SLC35F4: variants seen among roughly 807,000 people sequenced by gnomAD.
The protein encoded by SLC35F4 is chromosome 14 open reading frame 36.
In SLC35F4, 24 loss-of-function variants were observed where a neutral mutation model predicts 44.2. The ratio of observed to expected loss-of-function variants is 0.54; its 90% CI spans 0.39 to 0.76. The LOEUF (loss-of-function observed/expected upper bound fraction) is 0.76, where lower values mean the gene tolerates loss of function less well. Among genes scored for constraint, SLC35F4 ranks in the 30% least tolerant of loss-of-function variants. The probability of loss-of-function intolerance (pLI) is 0.00; values close to 1 mark genes in which losing one functional copy is unlikely to be tolerated. For synonymous variants in SLC35F4, 238 were observed against 223.6 expected (o/e 1.06, Z -0.57); for missense variants, 562 against 586.1 (o/e 0.96, Z 0.42).
intron 1 of SLC35F4, among the ~76,000 whole-genome samples, chr14:57,783,360 T>C (rs976040023): frequency 6.6e-6 from 1 of 151,800 alleles, no homozygotes; most frequent in Non-Finnish European, 1.5e-5. Context: ...GATAACTGTC[T>C]GAACACGTTT....
chr14:57,894,439 G>A (rs1367375460), intron 1 of SLC35F4, among the ~76,000 whole-genome samples: 1 of 152,070 alleles, frequency 6.6e-6, no homozygotes, highest in East Asian at 1.9e-4. Context: ...TTGTAAACAT[G>A]ATAACCTTTG....
chr14:57,735,490 T>C (rs1218318081), intron 1 of SLC35F4, among the ~76,000 whole-genome samples: 1 of 152,158 alleles, frequency 6.6e-6, no homozygotes, highest in Non-Finnish European at 1.5e-5. Flanking sequence ...TGTCTAGCAG[T>C]TGATGCCAGC....
At chr14:57,603,229 T>A (rs975843945) in intron 1 of SLC35F4, among the ~76,000 whole-genome samples, 2 of 152,220 alleles carry the variant, frequency 1.3e-5, no homozygotes, top group Non-Finnish European at 2.9e-5. Context: ...TGTGTGATAG[T>A]CCTGATCTTT....
Position 57,945,443 on chromosome 14 carries a change from G to A in SLC35F4, n.282+36470C>T, listed in dbSNP as rs1209156829. ...TACCAGGTAAGAGCAATGATAATGT[G>A]TGTGTGTGTGTGTGTGTGTGTGTGT... On this transcript the variant is annotated intron_variant and non_coding_transcript_variant, in intron 1 of 1. Coordinates refer to the SLC35F4 transcript ENST00000556568. 3.1e-4 allele frequency among the ~76,000 whole-genome samples: 13 copies of A among 41,870 alleles called. 2 individuals are homozygous for A. The highest frequency in any genetic ancestry group is 5.5e-4 in the African/African-American group (4 of 7,264). The allele number at this position is 41,870 out of a possible 152,430, so 27.5% of individuals were successfully genotyped here. A position where few individuals can be genotyped will look rare whatever the true frequency, so the allele number is the denominator to read the frequency against.
At chr14:57,785,336 G>A (rs976116082) in intron 1 of SLC35F4, among the ~76,000 whole-genome samples, 2 of 152,150 alleles carry the variant, frequency 1.3e-5, no homozygotes, top group Non-Finnish European at 2.9e-5. Flanking sequence ...AGATAATCGA[G>A]CCCTCCATTG....
intron 1 of SLC35F4, among the ~76,000 whole-genome samples, chr14:57,749,818 G>A (rs986621637): frequency 6.6e-6 from 1 of 152,108 alleles, no homozygotes; most frequent in Non-Finnish European, 1.5e-5. Flanking sequence ...AACCTAAGAG[G>A]GGAGGAATTG....
At chr14:57,574,340 A>C (rs199889583) in intron 4 of SLC35F4, among the ~76,000 whole-genome samples, 2 of 152,214 alleles carry the variant, frequency 1.3e-5, no homozygotes, top group East Asian at 3.8e-4. Flanking sequence ...TTGTGAAAAT[A>C]TTAGCCTGGA....
In SLC35F4 at chr14:57,594,027, G is replaced by A. The variant is rs749549339; in HGVS notation, c.201C>T (p.Thr67=). 2.5e-5 allele frequency: 40 copies of A among 1,613,744 alleles called. No homozygotes were observed. Among genetic ancestry groups the A allele is most frequent in the East Asian group, 6.7e-5 (3 of 44,890 alleles). ...CAAGAATAGGAGCAGAGGAATCTTC[G>A]GTGACAGACAGTGGGGACAGTTGTC... The part of the protein sequence containing the change: ...ISRQLSPLSV[T]EDSSAPILEL... Residue 67 remains threonine, a synonymous_variant, in exon 2 of 8, where the codon ACC becomes ACT. Coordinates refer to ENST00000556826, the MANE Select transcript of SLC35F4 (RefSeq NM_001306087.2).
intron 1 of SLC35F4, among the ~76,000 whole-genome samples, chr14:57,640,753 C>G (rs954541158): frequency 1.3e-5 from 2 of 151,896 alleles, no homozygotes; most frequent in African/African-American, 4.8e-5. Context: ...TATAGATTAT[C>G]TCTGTCAAAA....
Position 57,593,977 on chromosome 14 carries a change from C to G in SLC35F4, c.251G>C (p.Gly84Ala). 6.2e-7 allele frequency: 1 copy of G among 1,613,862 alleles called. No individual in the cohort carries two copies. The highest frequency in any genetic ancestry group is 8.5e-7 in the Non-Finnish European group (1 of 1,179,852). ...TCTCTCAACTCTGTGTCCACAAACT[C>G]CTGAGGATCCTTGGTTTTGAAGTTC... is the stretch of plus-strand genomic sequence containing the variant. ...ILELQNQGSS[G>A]VCGHRVERQN... The change falls in exon 2 of 8, where the codon GGA becomes GCA. Residue 84 changes from glycine (G) to alanine (A), a missense_variant. Gly to Ala is a moderately conservative substitution (Grantham distance 60). Coordinates refer to ENST00000556826, the MANE Select transcript of SLC35F4 (RefSeq NM_001306087.2).
intron 6 of SLC35F4, among the ~76,000 whole-genome samples, chr14:57,567,515 G>A (rs189065759): frequency 2.6e-5 from 4 of 152,276 alleles, no homozygotes; most frequent in Non-Finnish European, 4.4e-5. Flanking sequence ...AGCCCACTGG[G>A]TCACTTTGTG....
chr14:57,869,922 G>A (rs1236019198), upstream of SLC35F4, among the ~76,000 whole-genome samples: 1 of 152,138 alleles, frequency 6.6e-6, no homozygotes, highest in African/African-American at 2.4e-5. Context: ...GGCAGACATT[G>A]CTAATTTACC....
At chr14:57,973,301 T>G (rs187103204), downstream of SLC35F4, among the ~76,000 whole-genome samples, 32 of 152,348 alleles carry the variant, frequency 2.1e-4, no homozygotes, top group Admixed American at 8.5e-4. Context: ...TTGGAGGATA[T>G]GAAAGACATA....
chr14:57,901,640 C>G (rs909859542), intron 1 of SLC35F4, among the ~76,000 whole-genome samples: 2 of 152,070 alleles, frequency 1.3e-5, no homozygotes, highest in Non-Finnish European at 2.9e-5. Context: ...ATCTAACAAA[C>G]CTGCACATCC....
chr14:57,583,543 G>A (rs1345933605), intron 3 of SLC35F4, among the ~76,000 whole-genome samples: 1 of 152,174 alleles, frequency 6.6e-6, no homozygotes, highest in Non-Finnish European at 1.5e-5. Context: ...CAATCCCACA[G>A]GGAAGACCAA....
chr14:57,891,210 A>G (rs1454337987), intron 1 of SLC35F4, among the ~76,000 whole-genome samples: 1 of 152,220 alleles, frequency 6.6e-6, no homozygotes, highest in African/African-American at 2.4e-5. Flanking sequence ...TGGAAAAACT[A>G]AAGTTTCTTG....
At chr14:57,770,908 G>A (rs551339703) in intron 1 of SLC35F4, among the ~76,000 whole-genome samples, 7 of 152,228 alleles carry the variant, frequency 4.6e-5, no homozygotes, top group African/African-American at 1.7e-4. Flanking sequence ...TGCATACTCA[G>A]GGGATAAGAT....
At chr14:57,891,492 A>T (rs925202123) in intron 1 of SLC35F4, among the ~76,000 whole-genome samples, 1 of 152,134 alleles carries the variant, frequency 6.6e-6, no homozygotes, top group African/African-American at 2.4e-5. Context: ...ATATATATAT[A>T]TTTGGAAAAG....
chr14:57,917,067 C>T (rs545072862), intron 1 of SLC35F4, among the ~76,000 whole-genome samples: 8 of 152,048 alleles, frequency 5.3e-5, no homozygotes, highest in South Asian at 4.2e-4. Context: ...TGTTTTGAGA[C>T]GGAGTCTTGC....
Sources: allele counts gnomAD v4.1 joint callset (sites outside exome capture counted in the v4.1 genomes callset), GRCh38; gene constraint gnomAD v4.1.1; transcripts MANE v1.5; gene names NCBI Gene and HGNC (gene_info 2026-07-23, HGNC 2026-07-21).